The following EIF2S2 variants were observed in gnomAD, a reference collection of about 807,000 sequenced individuals.
The protein encoded by EIF2S2 is eukaryotic translation initiation factor 2 subunit beta, also known as eukaryotic translation initiation factor 2 subunit 2.
A neutral mutation model predicts 44.0 loss-of-function variants in EIF2S2; 4 were observed. That is an observed-to-expected ratio of 0.09 (90% CI 0.04 to 0.21). The LOEUF is 0.21. Among genes scored for constraint, EIF2S2 ranks in the 10% least tolerant of loss-of-function variants. The pLI is 1.00. For missense variants in EIF2S2, 154 were observed against 392.0 expected (o/e 0.39, Z 5.13); for synonymous variants, 108 against 128.3 (o/e 0.84, Z 1.07).
intron 1 of EIF2S2, 40 bp downstream of exon 1, chr20:34,112,056 G>A (rs2034420376): frequency 6.8e-7 from 1 of 1,463,332 alleles, no homozygotes; most frequent in Non-Finnish European, 9.2e-7. Context: ...TAGGCTTCTC[G>A]CCTCAATCCT....
At chr20:34,101,377 A>C (rs1238239335) in intron 3 of EIF2S2, among the ~76,000 whole-genome samples, 1 of 152,182 alleles carries the variant, frequency 6.6e-6, no homozygotes, top group South Asian at 2.1e-4. Flanking sequence ...CGGAGGTTGC[A>C]GTGAACCGAG....
chr20:34,107,445 A>C (rs942950810), intron 1 of EIF2S2, among the ~76,000 whole-genome samples: 2 of 152,228 alleles, frequency 1.3e-5, no homozygotes, highest in Non-Finnish European at 2.9e-5. Context: ...AAATGGAGAC[A>C]AGTAGCAGAA....
rs1460421046 is a variant in EIF2S2 at position 34,103,526 on chromosome 20, T to A, written c.233A>T (p.Gln78Leu). The A allele has an allele frequency of 6.3e-7, 1 of 1,575,130 alleles. No homozygotes were observed. The highest frequency in any genetic ancestry group is 1.4e-5 in the African/African-American group (1 of 73,704). Residue 78 changes from glutamine (Q) to leucine (L), a missense_variant, in exon 3 of 9, where the codon CAA (glutamine) becomes CTA (leucine). Physicochemically the swap from Gln to Leu is moderately radical, Grantham distance 113. Around this residue, in one of 2 missense-constraint regions of EIF2S2, gnomAD observed 134 missense variants for 225.0 expected, o/e 0.60. Transcript: ENST00000374980. ...TTTAGTTTTTTTCTTCTTTTTCTTTTGATTAAAGAAGTTCAAGTCATCTAG... is the reference window on the plus strand; with the variant it reads ...TTTAGTTTTTTTCTTCTTTTTCTTTAGATTAAAGAAGTTCAAGTCATCTAG... ...DDLDDLNFFN[Q>L]KKKKKKTKKI... is the part of the protein sequence containing the mutation.
At chr20:34,110,108 A>AAC (rs1196066012) in intron 1 of EIF2S2, among the ~76,000 whole-genome samples, 2 of 152,022 alleles carry the variant, frequency 1.3e-5, no homozygotes, top group African/African-American at 4.8e-5. Flanking sequence ...AAAAAAAAAA[A>AAC]AAAAAAACAG....
In EIF2S2 at chr20:34,090,171, G is replaced by A. The variant is rs1354686772; in HGVS notation, c.827-266C>T. Among the ~76,000 whole-genome samples the A allele has an allele frequency of 2.6e-5, 4 of 152,218 alleles. No homozygotes were observed. The East Asian group carries it at 7.7e-4, about 29-fold the overall frequency. The stretch of plus-strand genomic sequence containing the variant: ...TTGCTTATTCTCGTTTCTGTCTAGA[G>A]GAGAGCCACTCAAACATGTTGACAG... On this transcript the variant is annotated intron_variant, in intron 8 of 8. Transcript: ENST00000374980.
intron 7 of EIF2S2, among the ~76,000 whole-genome samples, chr20:34,093,387 C>T (rs2034190017): frequency 6.6e-6 from 1 of 152,180 alleles, no homozygotes; most frequent in African/African-American, 2.4e-5. Flanking sequence ...ATATTTGCTC[C>T]ATAAAAAGAC....
Position 34,097,516 on chromosome 20 carries a change from G to T in EIF2S2, c.434C>A (p.Ala145Asp). Reference protein sequence around the residue: ...DEDEILEKDEALEDEDNKKDD... With the variant: ...DEDEILEKDEDLEDEDNKKDD... The stretch of plus-strand genomic sequence containing the variant: ...TTTTTTGTTGTCTTCATCTTCTAGA[G>T]CTACAGATAAAAAAGATTTTAAGAA... The change falls in exon 5 of 9, where the codon GCT (alanine) becomes GAT (aspartate). Residue 145 changes from alanine (A) to aspartate (D), a missense_variant and splice_region_variant. Transcript: ENST00000374980. 1 of 1,611,814 alleles carries T rather than the reference G, an allele frequency of 6.2e-7. No homozygotes were observed. Among genetic ancestry groups the T allele is most frequent in the South Asian group, 1.1e-5 (1 of 91,074 alleles).
chr20:34,111,782 C>T (rs1215396597), intron 1 of EIF2S2, among the ~76,000 whole-genome samples: 1 of 152,256 alleles, frequency 6.6e-6, no homozygotes, highest in Non-Finnish European at 1.5e-5. Flanking sequence ...GGATCGCCAG[C>T]CCCAGTCTCG....
intron 7 of EIF2S2, 107 bp from the exon 8 acceptor site, chr20:34,090,709 G>A (rs1327042364): frequency 6.4e-6 from 4 of 627,388 alleles, no homozygotes; most frequent in African/African-American, 1.9e-5. Context: ...AGTAGCATAG[G>A]ATAAACTCTA....
intron 2 of EIF2S2, 120 bp downstream of exon 2, chr20:34,105,248 G>A (rs971408914): frequency 4.9e-6 from 5 of 1,014,282 alleles, no homozygotes; most frequent in Non-Finnish European, 7.3e-6. Flanking sequence ...ACTACTGATG[G>A]CCTTGACTTC....
chr20:34,110,168 G>A (rs2034396941), intron 1 of EIF2S2, among the ~76,000 whole-genome samples: 2 of 150,790 alleles, frequency 1.3e-5, no homozygotes, highest in African/African-American at 4.9e-5. Flanking sequence ...CTCTTTAATT[G>A]TCTAGCCTGA....
chr20:34,110,107 A>C (rs1395291137), intron 1 of EIF2S2, among the ~76,000 whole-genome samples: 1 of 152,020 alleles, frequency 6.6e-6, no homozygotes, highest in East Asian at 1.9e-4. Flanking sequence ...AAAAAAAAAA[A>C]AAAAAAAACA....
At chr20:34,107,462 CAAACCACACAAGGTT>C (rs1479370083) in intron 1 of EIF2S2, among the ~76,000 whole-genome samples, 1 of 152,156 alleles carries the variant, frequency 6.6e-6, no homozygotes, top group Non-Finnish European at 1.5e-5. Flanking sequence ...AGAATGACAA[CAAACCACACAAGGTT>C]ACTGGGAGGG....
chr20:34,105,664 C>T (rs2034341391), intron 1 of EIF2S2, 119 bp from the exon 2 acceptor site: 11 of 967,102 alleles, frequency 1.1e-5, no homozygotes, highest in East Asian at 2.8e-5. Flanking sequence ...TACATTAAAA[C>T]ACCAAAGGGG....
At chr20:34,095,687 C>T (rs1339578391) in intron 6 of EIF2S2, among the ~76,000 whole-genome samples, 1 of 152,030 alleles carries the variant, frequency 6.6e-6, no homozygotes, top group Non-Finnish European at 1.5e-5. Context: ...TCTAATTTTT[C>T]TACAATGAGT....
chr20:34,091,709 A>G (rs1324197377), intron 7 of EIF2S2, among the ~76,000 whole-genome samples: 1 of 109,628 alleles, frequency 9.1e-6, no homozygotes, highest in African/African-American at 3.6e-5. Context: ...ACAGAGCACA[A>G]CTCCATCTCA....
At chr20:34,108,400 G>C (rs952985466) in intron 1 of EIF2S2, 6 of 152,176 alleles carry the variant, frequency 3.9e-5, no homozygotes, top group African/African-American at 1.2e-4. Flanking sequence ...GCGAAGTACA[G>C]TTTACAAATA....
chr20:34,100,001 T>C (rs2034277117), intron 3 of EIF2S2, among the ~76,000 whole-genome samples: 1 of 152,064 alleles, frequency 6.6e-6, no homozygotes. Context: ...GACCAATTGA[T>C]TACATTATTT....
intron 1 of EIF2S2, among the ~76,000 whole-genome samples, chr20:34,110,226 T>C (rs1225124733): frequency 2.6e-5 from 4 of 152,092 alleles, no homozygotes; most frequent in Non-Finnish European, 5.9e-5. Flanking sequence ...TGGCAGTTTA[T>C]AAATCATTTT....
Sources: allele counts gnomAD v4.1 joint callset (sites outside exome capture counted in the v4.1 genomes callset), GRCh38; gene constraint gnomAD v4.1.1; regional missense constraint gnomAD v4.1.1; transcripts MANE v1.5; gene names NCBI Gene and HGNC (gene_info 2026-07-23, HGNC 2026-07-21).